Variants in GPR158 observed in about 807,000 individuals in gnomAD.
GPR158 encodes the protein G protein-coupled receptor 158.
Under a neutral mutation model 78.2 loss-of-function variants are expected in GPR158, and 30 were observed. The observed-to-expected ratio is 0.38, with a 90% CI of 0.29 to 0.52. The LOEUF is 0.52. GPR158 is among the 20% of genes least tolerant of loss of function. The pLI is 0.83. For synonymous variants in GPR158, 581 were observed against 591.1 expected (o/e 0.98, Z 0.25); for missense variants, 1,463 against 1,523.5 (o/e 0.96, Z 0.66).
At chr10:25,476,559 A>G (rs1411348585) in intron 5 of GPR158, among the ~76,000 whole-genome samples, 1 of 152,146 alleles carries the variant, frequency 6.6e-6, no homozygotes, top group Non-Finnish European at 1.5e-5. Flanking sequence ...GGGACACCAT[A>G]TACAACTCAG....
intron 5 of GPR158, 84 bp downstream of exon 5, chr10:25,466,803 C>T: frequency 1.7e-6 from 1 of 604,436 alleles, no homozygotes; most frequent in Admixed American, 2.9e-5. Context: ...CACACACACA[C>T]ACATACACAC....
chr10:25,402,555 T>A (rs1400225111), intron 3 of GPR158, among the ~76,000 whole-genome samples: 1 of 152,072 alleles, frequency 6.6e-6, no homozygotes, highest in Admixed American at 6.6e-5. Flanking sequence ...TAAAGGGATA[T>A]AGAATCTCCA....
At chr10:25,185,532 G>C (rs1394789145) in intron 1 of GPR158, among the ~76,000 whole-genome samples, 6 of 152,120 alleles carry the variant, frequency 3.9e-5, no homozygotes, top group Non-Finnish European at 7.4e-5. Flanking sequence ...ATTTTGAAGG[G>C]AAAGCACTAG....
chr10:25,397,528 A>T (rs1402447014), intron 3 of GPR158, among the ~76,000 whole-genome samples: 4 of 152,202 alleles, frequency 2.6e-5, no homozygotes, highest in African/African-American at 9.6e-5. Context: ...TTGAGACCTG[A>T]ATGTCTTCCT....
intron 5 of GPR158, among the ~76,000 whole-genome samples, chr10:25,470,049 A>ACT (rs1318439819): frequency 6.6e-6 from 1 of 152,142 alleles, no homozygotes; most frequent in Non-Finnish European, 1.5e-5. Context: ...AGTAAAAGCC[A>ACT]ACATCCTTCC....
chr10:25,451,657 C>A (rs1835218210), intron 4 of GPR158, among the ~76,000 whole-genome samples: 1 of 152,108 alleles, frequency 6.6e-6, no homozygotes. Context: ...CCATCCGTTT[C>A]TTTGGCCATA....
intron 2 of GPR158, among the ~76,000 whole-genome samples, chr10:25,395,036 A>G (rs1368177843): frequency 6.6e-6 from 1 of 152,138 alleles, no homozygotes; most frequent in African/African-American, 2.4e-5. Context: ...TGTTGGTTAG[A>G]TTATTTAAAT....
intron 4 of GPR158, among the ~76,000 whole-genome samples, chr10:25,426,731 T>TA (rs1238458753): frequency 6.6e-6 from 1 of 152,074 alleles, no homozygotes; most frequent in Non-Finnish European, 1.5e-5. Flanking sequence ...GATATAATAA[T>TA]AATGAAAATG....
intron 2 of GPR158, among the ~76,000 whole-genome samples, chr10:25,338,725 C>T (rs1426406259): frequency 6.7e-6 from 1 of 150,130 alleles, no homozygotes; most frequent in African/African-American, 2.4e-5. Flanking sequence ...GTTCTTTCTT[C>T]AAAATTGTTT....
intron 5 of GPR158, among the ~76,000 whole-genome samples, chr10:25,472,465 T>G (rs1233771811): frequency 1.3e-5 from 2 of 152,244 alleles, no homozygotes; most frequent in Non-Finnish European, 2.9e-5. Flanking sequence ...TGGTTCCATA[T>G]GAACTTTAAA....
chr10:25,373,220 A>G (rs1375271102), intron 2 of GPR158, among the ~76,000 whole-genome samples: 2 of 151,864 alleles, frequency 1.3e-5, no homozygotes, highest in Admixed American at 6.6e-5. Flanking sequence ...ATTGTCGTTT[A>G]TAAGTGGGAG....
chr10:25,426,831 T>C (rs569045666), intron 4 of GPR158, among the ~76,000 whole-genome samples: 1 of 152,114 alleles, frequency 6.6e-6, no homozygotes, highest in South Asian at 2.1e-4. Context: ...TGATGCAAGG[T>C]TTTCACAAAC....
chr10:25,355,914 T>G (rs1446607625), intron 2 of GPR158, among the ~76,000 whole-genome samples: 1 of 152,028 alleles, frequency 6.6e-6, no homozygotes, highest in African/African-American at 2.4e-5. Flanking sequence ...GTATCTCCTT[T>G]GGCCAAGTTA....
At chr10:25,428,551 C>T (rs1045119589) in intron 4 of GPR158, among the ~76,000 whole-genome samples, 10 of 151,996 alleles carry the variant, frequency 6.6e-5, no homozygotes, top group Admixed American at 3.3e-4. Flanking sequence ...TGATTAATGT[C>T]GTAAGCAGTT....
At chr10:25,219,401 G>A (rs774955070) in intron 1 of GPR158, among the ~76,000 whole-genome samples, 1 of 152,156 alleles carries the variant, frequency 6.6e-6, no homozygotes, top group Non-Finnish European at 1.5e-5. Flanking sequence ...AGGTTACTTG[G>A]AAATCCATTT....
intron 1 of GPR158, among the ~76,000 whole-genome samples, chr10:25,211,565 GC>G (rs2130669997): frequency 6.6e-6 from 1 of 152,266 alleles, no homozygotes; most frequent in South Asian, 2.1e-4. Flanking sequence ...TGAGGGCGGA[GC>G]CCTTATGACC....
chr10:25,175,228 G>C lies in GPR158; in HGVS notation c.-193G>C, dbSNP rs772745398. ...CGGCCAGCGCTGCCACAGGTGACTT[G>C]ATTTCTGCGACGGTAGCTTAGCCAC... is the stretch of plus-strand genomic sequence containing the variant. On this transcript the variant is annotated 5_prime_UTR_variant, in exon 1 of 11. Transcript: ENST00000376351. This position sits in a 1 kb window ranked among gnomAD's most constrained non-coding sequence, Gnocchi z 6.4. 3.1e-5 allele frequency: 16 copies of C among 516,788 alleles called. No individual in the cohort carries two copies. Among genetic ancestry groups the C allele is most frequent in the Non-Finnish European group, 5.4e-5 (16 of 295,096 alleles). 32.0% of individuals were successfully genotyped at this position (516,788 alleles called of 1,614,324 possible).
At chr10:25,442,327 G>A (rs768998176) in intron 4 of GPR158, among the ~76,000 whole-genome samples, 4 of 152,146 alleles carry the variant, frequency 2.6e-5, no homozygotes, top group Non-Finnish European at 5.9e-5. Flanking sequence ...AACACGAGTG[G>A]CTCACCAGTG....
At chr10:25,376,421 C>A (rs939376532) in intron 2 of GPR158, among the ~76,000 whole-genome samples, 1 of 151,508 alleles carries the variant, frequency 6.6e-6, no homozygotes, top group African/African-American at 2.4e-5. Flanking sequence ...AAATTGATTT[C>A]TAATTATCTT....
Sources: gnomAD v4.1 joint callset for allele counts (sites outside exome capture counted in the v4.1 genomes callset) on GRCh38, gnomAD v4.1.1 for gene constraint, Gnocchi (gnomAD v3.1) non-coding constraint, MANE v1.5 for transcripts, NCBI Gene and HGNC (gene_info 2026-07-23, HGNC 2026-07-21) for gene names.